Variants in MOB3A observed in about 807,000 individuals in gnomAD.
MOB3A encodes the protein MOB LAK.
MOB3A carries 17 observed loss-of-function variants against 17.8 expected under a neutral mutation model. The observed-to-expected ratio is 0.95, with a 90% CI of 0.65 to 1.43. The LOEUF (loss-of-function observed/expected upper bound fraction) is 1.43. Ranked by LOEUF, MOB3A falls within the 40% of genes most tolerant of loss-of-function variation. MOB3A has a pLI of 0.00. For missense variants in MOB3A, 333 were observed against 310.8 expected (o/e 1.07, Z -0.54); for synonymous variants, 124 against 133.2 (o/e 0.93, Z 0.48).
At chr19:2,081,412 A>AC (rs1294489509) in intron 2 of MOB3A, among the ~76,000 whole-genome samples, 2 of 151,382 alleles carry the variant, frequency 1.3e-5, no homozygotes, top group Non-Finnish European at 2.9e-5. Flanking sequence ...ACATGGTGAA[A>AC]CCCCATCTCT....
At chr19:2,080,301 G>A (rs769764463) in intron 2 of MOB3A, among the ~76,000 whole-genome samples, 3 of 152,104 alleles carry the variant, frequency 2.0e-5, no homozygotes, top group Admixed American at 6.5e-5. Context: ...GCCCACACAT[G>A]CCCAGGCCTC....
intron 1 of MOB3A, among the ~76,000 whole-genome samples, chr19:2,091,244 G>A (rs1367861144): frequency 2.0e-5 from 3 of 152,260 alleles, no homozygotes; most frequent in Admixed American, 6.5e-5. Flanking sequence ...TCAACCCAGA[G>A]GAGACTTCTC....
chr19:2,094,172 G>A (rs920846678), intron 1 of MOB3A, among the ~76,000 whole-genome samples: 2 of 148,816 alleles, frequency 1.3e-5, no homozygotes, highest in African/African-American at 5.0e-5. Context: ...TCAGCCTCCC[G>A]AGTAGCTGGG....
intron 3 of MOB3A, among the ~76,000 whole-genome samples, chr19:2,077,550 A>G (rs1476038931): frequency 6.6e-6 from 1 of 152,156 alleles, no homozygotes; most frequent in Non-Finnish European, 1.5e-5. Flanking sequence ...GGTCCCGCCA[A>G]CGGGGTGATG....
At position 2,076,955 on chromosome 19, in the gene MOB3A, G is replaced by A. The variant is rs747581677; in HGVS notation, c.480C>T (p.Phe160=). 1.2e-6 allele frequency: 2 copies of A among 1,613,892 alleles called. No homozygotes were observed. The highest frequency in any genetic ancestry group is 1.7e-6 in the Non-Finnish European group (2 of 1,180,010). ...GGATGTAGACGTGCACGAACACGCG[G>A]AACAGCCGCGACAGGATCTTCCGCA... is the stretch of plus-strand genomic sequence containing the variant. ...QTVRKILSRL[F]RVFVHVYIHH... is the part of the protein sequence containing the mutation. The change falls in exon 4 of 5, where the codon TTC becomes TTT. Residue 160 remains phenylalanine, a synonymous_variant. Coordinates refer to ENST00000357066, the MANE Select transcript of MOB3A (RefSeq NM_130807.3).
chr19:2,090,732 C>T (rs969910548), intron 1 of MOB3A, among the ~76,000 whole-genome samples: 4 of 152,038 alleles, frequency 2.6e-5, no homozygotes, highest in Admixed American at 6.6e-5. Flanking sequence ...GGCGCGATCT[C>T]GTCTCACTGC....
chr19:2,086,050 A>T (rs1005659638), intron 1 of MOB3A, among the ~76,000 whole-genome samples: 5 of 140,658 alleles, frequency 3.6e-5, no homozygotes, highest in Admixed American at 2.9e-4. Flanking sequence ...TCATTTATTT[A>T]TTTTTTTGAG....
intron 1 of MOB3A, among the ~76,000 whole-genome samples, chr19:2,086,978 A>G (rs1025194808): frequency 1.4e-4 from 22 of 151,932 alleles, no homozygotes; most frequent in African/African-American, 5.3e-4. Flanking sequence ...TTTTGTAGAG[A>G]TGGGGTCTTG....
In MOB3A at chr19:2,078,228, C is replaced by T. The variant is rs542315485; in HGVS notation, c.333G>A (p.Thr111=). ...CCATGTACCTGGGCGCGGAGAGTGC[C>T]GTGGGCTTCCGGAACTTATGCTCAT... The part of the protein sequence containing the change: ...WQDEHKFRKP[T]ALSAPRYMDL... Residue 111 remains threonine, a synonymous_variant, in exon 3 of 5, where the codon ACG becomes ACA. Transcript: ENST00000357066. 4.2e-5 allele frequency: 67 copies of T among 1,613,814 alleles called. No homozygotes were observed. Among genetic ancestry groups the T allele is most frequent in the Admixed American group, 1.5e-4 (9 of 59,974 alleles).
At position 2,093,349 on chromosome 19, in the gene MOB3A, C is replaced by A. The variant is rs2017634441; in HGVS notation, c.-274+2877G>T. Among the ~76,000 whole-genome samples, 1 of 152,032 alleles carries A rather than the reference C, an allele frequency of 6.6e-6. No homozygotes were observed. Among genetic ancestry groups the A allele is most frequent in the Non-Finnish European group, 1.5e-5 (1 of 68,014 alleles). ...AATTTTGTATTCCTCAGCCGATGAG[C>A]TCTGTTCCTGTCTTCCTGGCATTTA... is the stretch of plus-strand genomic sequence containing the variant. On this transcript the variant is annotated intron_variant, in intron 1 of 4. Transcript: ENST00000357066. This position sits in a 1 kb window ranked among gnomAD's most constrained non-coding sequence, Gnocchi z 4.6.
intron 2 of MOB3A, among the ~76,000 whole-genome samples, chr19:2,079,848 G>A (rs1322436777): frequency 6.6e-6 from 1 of 152,240 alleles, no homozygotes; most frequent in Non-Finnish European, 1.5e-5. Flanking sequence ...CCGTATAAAT[G>A]AGGAAGCCTC....
At chr19:2,079,361 C>T (rs767846589) in intron 2 of MOB3A, among the ~76,000 whole-genome samples, 8 of 152,238 alleles carry the variant, frequency 5.3e-5, no homozygotes, top group East Asian at 1.9e-4. Flanking sequence ...CCGCAATGCC[C>T]GCAGCCTGTG....
Position 2,093,794 on chromosome 19 carries a change from G to C in MOB3A, c.-274+2432C>G, listed in dbSNP as rs2017638608. On this transcript the variant is annotated intron_variant, in intron 1 of 4. Coordinates refer to ENST00000357066, the MANE Select transcript of MOB3A (RefSeq NM_130807.3). The surrounding 1 kb of genome is among the most constrained non-coding windows in gnomAD (Gnocchi z 4.6). Reference sequence around the variant, plus strand: ...AGTGGAACGGGTGTTGCTTGAGGTGGGTGCCTGTGTCGTCCCTGGGGAAAG... The same window carrying C: ...AGTGGAACGGGTGTTGCTTGAGGTGCGTGCCTGTGTCGTCCCTGGGGAAAG... 6.6e-6 allele frequency among the ~76,000 whole-genome samples: 1 copy of C among 152,186 alleles called. No homozygotes were observed. The highest frequency in any genetic ancestry group is 1.9e-4 in the East Asian group (1 of 5,202).
intron 3 of MOB3A, 70 bp from the exon 4 acceptor site, chr19:2,077,083 A>G: frequency 7.2e-7 from 1 of 1,391,194 alleles, no homozygotes; most frequent in Non-Finnish European, 1.0e-6. Context: ...TTGCTCCTGG[A>G]TGTGACAAGG....
chr19:2,084,182 A>T, intron 2 of MOB3A: 1 of 483,996 alleles, frequency 2.1e-6, no homozygotes, highest in Non-Finnish European at 4.1e-6. Flanking sequence ...TCCTCTTGGC[A>T]TGTCTGTCTC....
intron 2 of MOB3A, among the ~76,000 whole-genome samples, chr19:2,081,478 C>G (rs1194283816): frequency 6.6e-6 from 1 of 152,060 alleles, no homozygotes; most frequent in African/African-American, 2.4e-5. Context: ...ATCCCAGCTA[C>G]TCGGGAGGCT....
Position 2,072,180 on chromosome 19 carries a change from C to A in MOB3A, c.*1215G>T, listed in dbSNP as rs889240501. 6.6e-6 allele frequency: 1 copy of A among 152,092 alleles called. No homozygotes were observed. Among genetic ancestry groups the A allele is most frequent in the Non-Finnish European group, 1.5e-5 (1 of 68,044 alleles). The allele number at this position is 152,092 out of a possible 1,614,324, so 9.4% of individuals were successfully genotyped here. A position where few individuals can be genotyped will look rare whatever the true frequency, so the allele number is the denominator to read the frequency against. On this transcript the variant is annotated 3_prime_UTR_variant, in exon 5 of 5. Transcript: ENST00000357066. Reference sequence around the variant, plus strand: ...GTTAGGCCGGGTGCAGTAGCTCATGCCTGTAATCCCAGCACTTTTGGAGGC... The same window carrying A: ...GTTAGGCCGGGTGCAGTAGCTCATGACTGTAATCCCAGCACTTTTGGAGGC...
chr19:2,084,696 T>C (rs1222928959), intron 2 of MOB3A, among the ~76,000 whole-genome samples: 1 of 151,632 alleles, frequency 6.6e-6, no homozygotes, highest in Non-Finnish European at 1.5e-5. Context: ...GTTCAAGCAA[T>C]TCTCCTGTCT....
chr19:2,096,013 G>A (rs1246219897), intron 1 of MOB3A, among the ~76,000 whole-genome samples: 1 of 151,904 alleles, frequency 6.6e-6, no homozygotes, highest in African/African-American at 2.4e-5. Context: ...CAAAGTGCTG[G>A]GATTACAGGC....
Sources: gnomAD v4.1 joint callset for allele counts (sites outside exome capture counted in the v4.1 genomes callset) on GRCh38, gnomAD v4.1.1 for gene constraint, Gnocchi (gnomAD v3.1) non-coding constraint, MANE v1.5 for transcripts, NCBI Gene and HGNC (gene_info 2026-07-23, HGNC 2026-07-21) for gene names.